The following ZNRF1 variants were observed in gnomAD, a reference collection of about 807,000 sequenced individuals.
The protein encoded by ZNRF1 is E3 ubiquitin-protein ligase ZNRF1.
In ZNRF1, 3 loss-of-function variants were observed where a neutral mutation model predicts 18.4. That is an observed-to-expected ratio of 0.16 (90% confidence interval 0.07 to 0.42). The LOEUF (loss-of-function observed/expected upper bound fraction) is 0.42. Ranked by LOEUF, ZNRF1 falls within the 10% of genes least tolerant of loss-of-function variation. The pLI, the probability that ZNRF1 is intolerant of heterozygous loss-of-function variation, is 0.99. For synonymous variants in ZNRF1, 157 were observed against 144.2 expected (o/e 1.09, Z -0.64); for missense variants, 310 against 329.8 (o/e 0.94, Z 0.47).
At chr16:75,053,117 G>A (rs1237403675) in intron 1 of ZNRF1, among the ~76,000 whole-genome samples, 1 of 152,120 alleles carries the variant, frequency 6.6e-6, no homozygotes, top group Non-Finnish European at 1.5e-5. Flanking sequence ...TTTATAGATC[G>A]CAGAGGAAAT....
chr16:75,090,019 G>A (rs1597905057), intron 1 of ZNRF1, among the ~76,000 whole-genome samples: 1 of 152,216 alleles, frequency 6.6e-6, no homozygotes, highest in East Asian at 1.9e-4. Context: ...CCTGGAGGCA[G>A]AAGGCCTGTC....
At chr16:75,050,191 T>C (rs1276285232) in intron 1 of ZNRF1, among the ~76,000 whole-genome samples, 1 of 152,220 alleles carries the variant, frequency 6.6e-6, no homozygotes, top group Non-Finnish European at 1.5e-5. Flanking sequence ...GTCCATGGTA[T>C]GGATGGACCA....
intron 1 of ZNRF1, among the ~76,000 whole-genome samples, chr16:75,046,215 G>T (rs1046986893): frequency 3.3e-5 from 5 of 149,910 alleles, no homozygotes; most frequent in African/African-American, 1.2e-4. Flanking sequence ...CCAAATGTTT[G>T]CATTTATATA....
intron 1 of ZNRF1, among the ~76,000 whole-genome samples, chr16:75,088,304 G>T (rs151072380): frequency 6.6e-6 from 1 of 152,160 alleles, no homozygotes; most frequent in Non-Finnish European, 1.5e-5. Flanking sequence ...CTAGCTGTCC[G>T]TGTTTTTTCT....
chr16:75,062,577 G>A (rs868740990), intron 1 of ZNRF1, among the ~76,000 whole-genome samples: 2 of 152,232 alleles, frequency 1.3e-5, no homozygotes, highest in Non-Finnish European at 2.9e-5. Flanking sequence ...CCCGGGAGGA[G>A]CAGGGACGCC....
At chr16:75,097,869 A>G (rs1232827932) in intron 2 of ZNRF1, among the ~76,000 whole-genome samples, 1 of 152,230 alleles carries the variant, frequency 6.6e-6, no homozygotes, top group Non-Finnish European at 1.5e-5. Flanking sequence ...CTGGAAAAGC[A>G]GAAATGGCTC....
intron 1 of ZNRF1, among the ~76,000 whole-genome samples, chr16:75,056,246 T>C (rs2035666551): frequency 6.6e-6 from 1 of 152,260 alleles, no homozygotes; most frequent in African/African-American, 2.4e-5. Context: ...ATCAGTTTCA[T>C]TCTATTCAGC....
chr16:75,018,483 G>A (rs1159503944), intron 1 of ZNRF1, among the ~76,000 whole-genome samples: 1 of 151,944 alleles, frequency 6.6e-6, no homozygotes, highest in Non-Finnish European at 1.5e-5. Flanking sequence ...TATGATCATG[G>A]GAATCCTTAT....
chr16:75,059,195 C>G (rs1287756649), intron 1 of ZNRF1, among the ~76,000 whole-genome samples: 2 of 138,570 alleles, frequency 1.4e-5, no homozygotes, highest in Non-Finnish European at 3.2e-5. Flanking sequence ...CTTTTCTTTT[C>G]TTTTCCTTTC....
At position 74,999,938 on chromosome 16, in the gene ZNRF1, A is replaced by G; in HGVS notation, c.267A>G (p.Gly89=). ...TGDSERAPGG[G]GSASDSTYAH... ...ACTCCGAGAGGGCGCCCGGCGGCGGAGGGTCTGCGTCCGACTCCACCTATG... is the reference window on the plus strand; with the variant it reads ...ACTCCGAGAGGGCGCCCGGCGGCGGGGGGTCTGCGTCCGACTCCACCTATG... Residue 89 remains glycine (G), a synonymous_variant, in exon 1 of 5, where the codon GGA becomes GGG. Coordinates refer to ENST00000335325, the MANE Select transcript of ZNRF1 (RefSeq NM_032268.5). 1 of 1,567,000 alleles carries G rather than the reference A, an allele frequency of 6.4e-7. No homozygotes were observed. The highest frequency in any genetic ancestry group is 8.6e-7 in the Non-Finnish European group (1 of 1,157,446).
At chr16:75,013,346 T>C (rs2145326545) in intron 1 of ZNRF1, among the ~76,000 whole-genome samples, 1 of 148,784 alleles carries the variant, frequency 6.7e-6, no homozygotes, top group East Asian at 1.9e-4. Context: ...TTCTGTCCAT[T>C]CAATTTTTTT....
intron 1 of ZNRF1, among the ~76,000 whole-genome samples, chr16:75,012,917 G>A (rs940597793): frequency 1.3e-5 from 2 of 152,172 alleles, no homozygotes; most frequent in African/African-American, 4.8e-5. Context: ...GCTCAATAAA[G>A]GGGAAACAGG....
At chr16:75,032,605 A>C (rs946125438) in intron 1 of ZNRF1, among the ~76,000 whole-genome samples, 3 of 152,202 alleles carry the variant, frequency 2.0e-5, no homozygotes, top group Non-Finnish European at 4.4e-5. Context: ...CTAGAAAATA[A>C]TAAGACAAGT....
chr16:75,059,022 G>T (rs968654646), intron 1 of ZNRF1, among the ~76,000 whole-genome samples: 2 of 152,090 alleles, frequency 1.3e-5, no homozygotes, highest in African/African-American at 4.8e-5. Flanking sequence ...GTGAGCATCT[G>T]GGAGCAGTGA....
intron 1 of ZNRF1, among the ~76,000 whole-genome samples, chr16:75,014,094 G>A (rs1293864887): frequency 6.6e-6 from 1 of 152,216 alleles, no homozygotes; most frequent in Non-Finnish European, 1.5e-5. Context: ...TCTTCCCAAA[G>A]TGCTGGGATT....
intron 1 of ZNRF1, among the ~76,000 whole-genome samples, chr16:75,073,406 C>G (rs2035898486): frequency 6.6e-6 from 1 of 151,986 alleles, no homozygotes; most frequent in Admixed American, 6.6e-5. Flanking sequence ...CTTGGCCAGG[C>G]TGCTGTCTTG....
chr16:75,093,116 G>T (rs2036158981), intron 1 of ZNRF1, among the ~76,000 whole-genome samples: 1 of 152,208 alleles, frequency 6.6e-6, no homozygotes, highest in Admixed American at 6.5e-5. Flanking sequence ...CGGGCGCGGT[G>T]GCTCATGCCT....
At chr16:75,106,901 T>TG (rs1486519396) in intron 4 of ZNRF1, 1 of 262,260 alleles carries the variant, frequency 3.8e-6, no homozygotes, top group Non-Finnish European at 7.7e-6. Context: ...GCCTGAGCGG[T>TG]GGGTTTGTGC....
intron 2 of ZNRF1, among the ~76,000 whole-genome samples, chr16:75,098,986 T>C (rs2036228347): frequency 6.6e-6 from 1 of 152,174 alleles, no homozygotes; most frequent in Non-Finnish European, 1.5e-5. Context: ...GTCTGGTCTG[T>C]TCACTCAGTG....
Sources: gnomAD v4.1 joint callset for allele counts (sites outside exome capture counted in the v4.1 genomes callset) on GRCh38, gnomAD v4.1.1 for gene constraint, MANE v1.5 for transcripts, NCBI Gene and HGNC (gene_info 2026-07-23, HGNC 2026-07-21) for gene names.